KCTD1: variants seen among roughly 807,000 people sequenced by gnomAD.
The protein encoded by KCTD1 is potassium channel tetramerization domain containing 1, also known as BTB/POZ domain-containing protein KCTD1.
A neutral mutation model predicts 66.0 loss-of-function variants in KCTD1; 24 were observed. The ratio of observed to expected loss-of-function variants is 0.36; its 90% CI spans 0.26 to 0.51. The LOEUF (loss-of-function observed/expected upper bound fraction) is 0.51. KCTD1 is among the 20% of genes least tolerant of loss of function. The pLI is 0.95. For missense variants in KCTD1, 943 were observed against 1,205.2 expected (o/e 0.78, Z 3.22); for synonymous variants, 511 against 517.2 (o/e 0.99, Z 0.16).
At chr18:26,657,429 T>A, upstream of KCTD1, 1 of 980,806 alleles carries the variant, frequency 1.0e-6, no homozygotes, top group Non-Finnish European at 1.2e-6. Context: ...TTTTCCGATT[T>A]CTCTCCCAGC....
intron 1 of KCTD1, among the ~76,000 whole-genome samples, chr18:26,649,672 C>T (rs1987993396): frequency 6.6e-6 from 1 of 152,120 alleles, no homozygotes; most frequent in African/African-American, 2.4e-5. Flanking sequence ...CCACGCCCGG[C>T]TAATTTTTTT....
At chr18:26,542,398 G>A (rs1985014362) in intron 1 of KCTD1, among the ~76,000 whole-genome samples, 1 of 152,164 alleles carries the variant, frequency 6.6e-6, no homozygotes, top group Non-Finnish European at 1.5e-5. Flanking sequence ...ACAAATAAAA[G>A]TTCTAACATA....
At chr18:26,553,812 T>G (rs1168054210) in intron 1 of KCTD1, among the ~76,000 whole-genome samples, 5 of 132,746 alleles carry the variant, frequency 3.8e-5, no homozygotes, top group Admixed American at 8.3e-5. Flanking sequence ...ACAAGAAAAC[T>G]AAGGCCAGAG....
intron 1 of KCTD1, among the ~76,000 whole-genome samples, chr18:26,514,316 G>A (rs1026468201): frequency 6.6e-6 from 1 of 152,138 alleles, no homozygotes; most frequent in African/African-American, 2.4e-5. Flanking sequence ...GACTTGGGAG[G>A]CTGAAGTAGG....
intron 4 of KCTD1, chr18:26,456,140 G>A (rs943674279): frequency 4.2e-5 from 19 of 453,534 alleles, no homozygotes; most frequent in Non-Finnish European, 7.0e-5. Flanking sequence ...TACAACACTC[G>A]ATGGTGTTAG....
At chr18:26,648,451 A>T (rs923720796) in intron 1 of KCTD1, among the ~76,000 whole-genome samples, 4 of 152,224 alleles carry the variant, frequency 2.6e-5, no homozygotes, top group African/African-American at 9.6e-5. Flanking sequence ...TAGCATTTAA[A>T]TAGATTGCAG....
chr18:26,501,558 G>GT (rs1208960105), intron 1 of KCTD1, among the ~76,000 whole-genome samples: 1 of 152,196 alleles, frequency 6.6e-6, no homozygotes, highest in African/African-American at 2.4e-5. Flanking sequence ...ATGGCAACTA[G>GT]TATGATATGA....
chr18:26,580,697 T>A (rs1436257861), intron 1 of KCTD1, among the ~76,000 whole-genome samples: 1 of 152,190 alleles, frequency 6.6e-6, no homozygotes, highest in Non-Finnish European at 1.5e-5. Flanking sequence ...TACCATGGCC[T>A]GCAGCTAATC....
chr18:26,465,122 T>C (rs1251507755), intron 3 of KCTD1, among the ~76,000 whole-genome samples: 1 of 152,152 alleles, frequency 6.6e-6, no homozygotes, highest in Non-Finnish European at 1.5e-5. Flanking sequence ...TCTCTCTCCT[T>C]GTCCAGGCTG....
chr18:26,650,856 C>T (rs1029492544), intron 1 of KCTD1, among the ~76,000 whole-genome samples: 1 of 152,244 alleles, frequency 6.6e-6, no homozygotes, highest in South Asian at 2.1e-4. Flanking sequence ...GGAAGAATAT[C>T]CCTTCCTCTA....
At chr18:26,635,614 C>T (rs1987707637) in intron 1 of KCTD1, among the ~76,000 whole-genome samples, 1 of 152,204 alleles carries the variant, frequency 6.6e-6, no homozygotes, top group African/African-American at 2.4e-5. Context: ...TCTAACTTAA[C>T]TGTGACACAG....
At chr18:26,586,249 C>G (rs1986469188) in intron 1 of KCTD1, among the ~76,000 whole-genome samples, 2 of 152,238 alleles carry the variant, frequency 1.3e-5, no homozygotes, top group South Asian at 4.1e-4. Flanking sequence ...ATTCTTCAAA[C>G]TTTTTATTAT....
intron 1 of KCTD1, among the ~76,000 whole-genome samples, chr18:26,525,715 C>T (rs1984126879): frequency 6.6e-6 from 1 of 152,148 alleles, no homozygotes; most frequent in Non-Finnish European, 1.5e-5. Context: ...TTTCCTCCCT[C>T]CCTGCCTGGC....
Position 26,501,059 on chromosome 18 carries a change from T to C in KCTD1, c.1988+13A>G, listed in dbSNP as rs1228914744. On this transcript the variant is annotated intron_variant, in intron 2 of 4. Coordinates refer to ENST00000580059, the MANE Select transcript of KCTD1 (RefSeq NM_001142730.3). Reference sequence around the variant, plus strand: ...TGCACGTCGGAGTCTGATTTTTCAGTTTTTCAGATTACCTGGATTCAGGGT... The same window carrying C: ...TGCACGTCGGAGTCTGATTTTTCAGCTTTTCAGATTACCTGGATTCAGGGT... The C allele has an allele frequency of 6.2e-7, 1 of 1,608,628 alleles. No homozygotes were observed. Among genetic ancestry groups the C allele is most frequent in the Non-Finnish European group, 8.5e-7 (1 of 1,176,474 alleles).
chr18:26,486,175 T>C (rs929331128), intron 2 of KCTD1, among the ~76,000 whole-genome samples: 3 of 152,208 alleles, frequency 2.0e-5, no homozygotes, highest in African/African-American at 7.2e-5. Context: ...CCTCCCAAAG[T>C]GTTGGGATTA....
At chr18:26,557,474 A>C (rs747737960) in intron 1 of KCTD1, among the ~76,000 whole-genome samples, 12 of 152,178 alleles carry the variant, frequency 7.9e-5, no homozygotes, top group African/African-American at 2.7e-4. Flanking sequence ...CCTGAGATAT[A>C]ATAACTTTTA....
At position 26,548,317 on chromosome 18, in the gene KCTD1, C is replaced by A. The variant is rs963330003; in HGVS notation, c.220G>T (p.Asp74Tyr). 3.5e-5 allele frequency: 53 copies of A among 1,501,146 alleles called. No individual in the cohort carries two copies. In the African/African-American group the frequency reaches 5.0e-4, roughly 14 times the overall value. The allele number at this position is 1,501,146 out of a possible 1,614,324, so 93.0% of individuals were successfully genotyped here. ...CCTCCGTCCTCCTCCTCCTCCTCGTCCCCCGTTATCTGCACCTCCTGGATC... is the reference window on the plus strand; with the variant it reads ...CCTCCGTCCTCCTCCTCCTCCTCGTACCCCGTTATCTGCACCTCCTGGATC... Reference protein sequence around the residue: ...DEIQEVQITGDEEEEEDGGGG... With the variant: ...DEIQEVQITGYEEEEEDGGGG... Residue 74 changes from aspartate (D) to tyrosine (Y), a missense_variant, in exon 1 of 5, where the codon GAC (aspartate) becomes TAC (tyrosine). Transcript: ENST00000580059.
chr18:26,497,943 G>A (rs964607692), intron 2 of KCTD1, among the ~76,000 whole-genome samples: 2 of 152,174 alleles, frequency 1.3e-5, no homozygotes, highest in African/African-American at 4.8e-5. Flanking sequence ...TCCATGGCTA[G>A]GAAAGCAAGA....
chr18:26,507,359 A>C (rs1432990717), intron 1 of KCTD1, among the ~76,000 whole-genome samples: 1 of 152,118 alleles, frequency 6.6e-6, no homozygotes, highest in African/African-American at 2.4e-5. Context: ...AGTAATTTAG[A>C]ACTGAATACA....
Sources: allele counts gnomAD v4.1 joint callset (sites outside exome capture counted in the v4.1 genomes callset), GRCh38; gene constraint gnomAD v4.1.1; transcripts MANE v1.5; gene names NCBI Gene and HGNC (gene_info 2026-07-23, HGNC 2026-07-21).